The following NIN variants were observed in gnomAD, a reference collection of about 807,000 sequenced individuals.
NIN encodes the protein ninein, also known as glycogen synthase kinase 3 beta-interacting protein.
NIN carries 137 observed loss-of-function variants against 257.6 expected under a neutral mutation model. The observed-to-expected ratio is 0.53, with a 90% CI of 0.46 to 0.61. The LOEUF (loss-of-function observed/expected upper bound fraction) is 0.61, where lower values mean the gene tolerates loss of function less well. Among genes scored for constraint, NIN ranks in the 20% least tolerant of loss-of-function variants. NIN has a pLI of 0.00. For missense variants in NIN, 2,439 were observed against 2,501.2 expected (o/e 0.98, Z 0.53); for synonymous variants, 918 against 919.8 (o/e 1.00, Z 0.04).
intron 2 of NIN, among the ~76,000 whole-genome samples, chr14:50,828,996 C>T (rs1324513329): frequency 6.6e-6 from 1 of 152,166 alleles, no homozygotes; most frequent in Non-Finnish European, 1.5e-5. Context: ...CTCTCTATTG[C>T]CCCCTGTGAA....
intron 2 of NIN, among the ~76,000 whole-genome samples, chr14:50,828,495 C>A (rs563922582): frequency 6.6e-6 from 1 of 152,310 alleles, no homozygotes; most frequent in African/African-American, 2.4e-5. Flanking sequence ...CCCTGCCCAA[C>A]AGATGCAAGT....
Position 50,756,592 on chromosome 14 carries a change from C to G in NIN, c.4438G>C (p.Asp1480His), listed in dbSNP as rs761238797. ...ERVTILVKQK[D>H]VLSHGEKEEE... ...TCCTTTTCTCCGTGAGAAAGTACATCTTTTTGCTTAACTAAAATAGTGACT... is the reference window on the plus strand; with the variant it reads ...TCCTTTTCTCCGTGAGAAAGTACATGTTTTTGCTTAACTAAAATAGTGACT... The change falls in exon 18 of 31, where the codon GAT (aspartate) becomes CAT (histidine). Residue 1480 changes from aspartate to histidine, a missense_variant. Asp to His is a moderately conservative substitution (Grantham distance 81). This residue lies in a region of NIN where 2,043 missense variants were observed against 2,050.2 expected (regional missense o/e 1.00). Transcript: ENST00000530997. The G allele has an allele frequency of 6.2e-7, 1 of 1,602,140 alleles. No individual in the cohort carries two copies. Among genetic ancestry groups the G allele is most frequent in the South Asian group, 1.1e-5 (1 of 89,570 alleles).
At chr14:50,795,083 C>T (rs1367523873) in intron 4 of NIN, among the ~76,000 whole-genome samples, 1 of 152,114 alleles carries the variant, frequency 6.6e-6, no homozygotes, top group African/African-American at 2.4e-5. Context: ...AAGTTAATAT[C>T]CTTCATAGAA....
At chr14:50,780,191 A>G (rs930106692) in intron 5 of NIN, among the ~76,000 whole-genome samples, 7 of 152,228 alleles carry the variant, frequency 4.6e-5, no homozygotes, top group African/African-American at 1.7e-4. Flanking sequence ...ACTGCCTAAA[A>G]CTAATCACTG....
At chr14:50,753,801 TAATTC>T (rs2041904228) in intron 20 of NIN, among the ~76,000 whole-genome samples, 1 of 152,180 alleles carries the variant, frequency 6.6e-6, no homozygotes, top group South Asian at 2.1e-4. Flanking sequence ...TACTTCTTGC[TAATTC>T]AATAGGTTAA....
intron 3 of NIN, among the ~76,000 whole-genome samples, chr14:50,815,383 A>G (rs1377313646): frequency 6.6e-6 from 1 of 152,236 alleles, no homozygotes; most frequent in Non-Finnish European, 1.5e-5. Flanking sequence ...TAAATAGTCC[A>G]GAAACAACAG....
At chr14:50,736,967 G>A (rs1419351240) in intron 27 of NIN, among the ~76,000 whole-genome samples, 3 of 152,144 alleles carry the variant, frequency 2.0e-5, no homozygotes, top group Admixed American at 1.3e-4. Flanking sequence ...ATTACAGAAA[G>A]CAAACTGATT....
At chr14:50,776,831 G>C in intron 7 of NIN, 118 bp downstream of exon 7, 1 of 942,036 alleles carries the variant, frequency 1.1e-6, no homozygotes, top group East Asian at 2.5e-5. Flanking sequence ...TGACTTCTTA[G>C]GAAAAAAGAA....
intron 27 of NIN, among the ~76,000 whole-genome samples, chr14:50,737,673 T>A (rs138650067): frequency 0.012 from 1,813 of 147,906 alleles, 31 homozygotes; most frequent in African/African-American, 0.043. Context: ...TTAAACAGAG[T>A]CTCACTCTGT....
At chr14:50,798,300 T>C (rs2043932809) in intron 4 of NIN, among the ~76,000 whole-genome samples, 1 of 152,184 alleles carries the variant, frequency 6.6e-6, no homozygotes, top group Non-Finnish European at 1.5e-5. Context: ...TCCACCCAGT[T>C]CTTAGCCACC....
At chr14:50,746,923 G>A (rs868399255) in intron 22 of NIN, among the ~76,000 whole-genome samples, 1 of 152,130 alleles carries the variant, frequency 6.6e-6, no homozygotes, top group East Asian at 1.9e-4. Flanking sequence ...GCACAGTAGC[G>A]CAATCTCAGC....
At chr14:50,752,224 A>C (rs1027954436) in intron 21 of NIN, among the ~76,000 whole-genome samples, 1 of 151,780 alleles carries the variant, frequency 6.6e-6, no homozygotes, top group African/African-American at 2.4e-5. Context: ...AATGAAACAT[A>C]GGTCTAATTT....
chr14:50,726,052 T>G lies in NIN; in HGVS notation c.6093A>C (p.Gln2031His). The change falls in exon 30 of 31, where the codon CAA (glutamine) becomes CAC (histidine). Residue 2031 changes from glutamine to histidine, a missense_variant. Physicochemically the swap from Gln to His is conservative, Grantham distance 24 (BLOSUM62 0). Around this residue, in one of 3 missense-constraint regions of NIN, gnomAD observed 2,043 missense variants for 2,050.2 expected, o/e 1.00. Transcript: ENST00000530997. ...ETNTPQGNQE[Q>H]LVTVMEERMI... ...TTCGTTCCTCCATGACAGTTACCAG[T>G]TGTTCCTGGTTTCCCTGAAGGGAAG... The G allele has an allele frequency of 1.2e-6, 2 of 1,612,618 alleles. No individual in the cohort carries two copies. Among genetic ancestry groups the G allele is most frequent in the South Asian group, 2.2e-5 (2 of 91,018 alleles).
At chr14:50,784,350 G>C (rs888181461) in intron 5 of NIN, among the ~76,000 whole-genome samples, 1 of 152,160 alleles carries the variant, frequency 6.6e-6, no homozygotes, top group South Asian at 2.1e-4. Context: ...TTCAATTTCC[G>C]CTCTACTACT....
intron 5 of NIN, among the ~76,000 whole-genome samples, chr14:50,784,050 T>C (rs1460803063): frequency 6.6e-6 from 1 of 152,204 alleles, no homozygotes; most frequent in African/African-American, 2.4e-5. Flanking sequence ...TAACCTCTCA[T>C]TGGAGAAAGA....
chr14:50,779,226 A>G (rs1035037957), intron 5 of NIN, among the ~76,000 whole-genome samples: 1 of 152,236 alleles, frequency 6.6e-6, no homozygotes, highest in Admixed American at 6.5e-5. Flanking sequence ...TCTTGGTAAT[A>G]CAACCATGAA....
chr14:50,806,875 C>T (rs1335522890), intron 3 of NIN, 57 bp from the exon 4 acceptor site: 5 of 844,796 alleles, frequency 5.9e-6, no homozygotes, highest in Non-Finnish European at 9.4e-6. Flanking sequence ...GAATGCAAAC[C>T]TATCTACAAG....
At chr14:50,830,841 G>A (rs1340618931) in intron 1 of NIN, 165 bp downstream of exon 1, 2 of 151,174 alleles carry the variant, frequency 1.3e-5, no homozygotes, top group African/African-American at 2.4e-5. Flanking sequence ...CCGGCCCGCA[G>A]GGATTGCGCC....
At chr14:50,791,512 C>A (rs936723298) in intron 5 of NIN, among the ~76,000 whole-genome samples, 17 of 151,604 alleles carry the variant, frequency 1.1e-4, no homozygotes, top group African/African-American at 4.1e-4. Context: ...ACATTTCTGC[C>A]ACTGCTGCTT....
Sources: allele counts gnomAD v4.1 joint callset (sites outside exome capture counted in the v4.1 genomes callset), GRCh38; gene constraint gnomAD v4.1.1; regional missense constraint gnomAD v4.1.1; transcripts MANE v1.5; gene names NCBI Gene and HGNC (gene_info 2026-07-23, HGNC 2026-07-21).